The following BMPR1A variants were observed in gnomAD, a reference collection of about 807,000 sequenced individuals.
The protein encoded by BMPR1A is bone morphogenetic protein receptor type-1A.
A neutral mutation model predicts 66.0 loss-of-function variants in BMPR1A; 7 were observed. The observed-to-expected ratio is 0.11, with a 90% CI of 0.06 to 0.20. The LOEUF (loss-of-function observed/expected upper bound fraction) is 0.20, where lower values mean the gene tolerates loss of function less well. BMPR1A is among the 10% of genes least tolerant of loss of function. The pLI, the probability that BMPR1A is intolerant of heterozygous loss-of-function variation, is 1.00. For missense variants in BMPR1A, 408 were observed against 669.1 expected (o/e 0.61, Z 4.31); for synonymous variants, 200 against 229.7 (o/e 0.87, Z 1.17).
At chr10:86,821,091 A>G (rs1041155062) in intron 1 of BMPR1A, among the ~76,000 whole-genome samples, 5 of 152,168 alleles carry the variant, frequency 3.3e-5, no homozygotes, top group African/African-American at 1.2e-4. Context: ...GATTTTTTCT[A>G]TCTTAATATA....
chr10:86,881,817 T>G (rs1465897527), intron 3 of BMPR1A, among the ~76,000 whole-genome samples: 1 of 152,214 alleles, frequency 6.6e-6, no homozygotes, highest in East Asian at 1.9e-4. Flanking sequence ...ACCAGCTTAT[T>G]TGGATCCTGA....
intron 7 of BMPR1A, among the ~76,000 whole-genome samples, chr10:86,906,306 C>CGT (rs146956565): frequency 0.062 from 9,380 of 151,978 alleles, 408 homozygotes; most frequent in Non-Finnish European, 0.08. Flanking sequence ...CATTTAGAAG[C>CGT]GTGTGTGTGT....
At chr10:86,912,617 C>G (rs1843508073) in intron 8 of BMPR1A, among the ~76,000 whole-genome samples, 1 of 152,032 alleles carries the variant, frequency 6.6e-6, no homozygotes, top group African/African-American at 2.4e-5. Flanking sequence ...GTTATAGGAA[C>G]CAAGTCCTAC....
At chr10:86,886,954 C>A (rs1462903189) in intron 3 of BMPR1A, among the ~76,000 whole-genome samples, 1 of 151,164 alleles carries the variant, frequency 6.6e-6, no homozygotes, top group Non-Finnish European at 1.5e-5. Flanking sequence ...CCTCAGCCAC[C>A]TGAATACTGG....
intron 1 of BMPR1A, among the ~76,000 whole-genome samples, chr10:86,829,913 G>T (rs374462104): frequency 5.9e-5 from 9 of 152,056 alleles, no homozygotes; most frequent in African/African-American, 2.2e-4. Context: ...TTTGGGAGAG[G>T]TGCTGTTAAA....
chr10:86,836,467 T>C (rs757609245), intron 1 of BMPR1A, among the ~76,000 whole-genome samples: 1 of 152,156 alleles, frequency 6.6e-6, no homozygotes, highest in Non-Finnish European at 1.5e-5. Context: ...CTGGGATACA[T>C]GTGCGGGACT....
At chr10:86,811,686 A>G (rs561714607) in intron 1 of BMPR1A, among the ~76,000 whole-genome samples, 2 of 152,272 alleles carry the variant, frequency 1.3e-5, no homozygotes, top group Non-Finnish European at 1.5e-5. Context: ...GAGACACACA[A>G]TGTGTGGTTG....
At chr10:86,787,124 A>G (rs1369729903) in intron 1 of BMPR1A, among the ~76,000 whole-genome samples, 1 of 152,324 alleles carries the variant, frequency 6.6e-6, no homozygotes, top group East Asian at 1.9e-4. Flanking sequence ...TGTTATATCA[A>G]TTGAGAGCAC....
chr10:86,765,056 C>A (rs1003612627), intron 1 of BMPR1A, among the ~76,000 whole-genome samples: 1 of 152,040 alleles, frequency 6.6e-6, no homozygotes, highest in South Asian at 2.1e-4. Context: ...GTTAAAAAAA[C>A]AAAACTGATT....
chr10:86,894,938 A>G (rs928541663), intron 5 of BMPR1A, among the ~76,000 whole-genome samples: 7 of 152,116 alleles, frequency 4.6e-5, no homozygotes, highest in African/African-American at 1.7e-4. Flanking sequence ...CTGTTGCTGA[A>G]TATTTCTCTG....
At chr10:86,779,172 C>T (rs1841399345) in intron 1 of BMPR1A, among the ~76,000 whole-genome samples, 1 of 152,162 alleles carries the variant, frequency 6.6e-6, no homozygotes, top group Non-Finnish European at 1.5e-5. Context: ...TAACCCATAT[C>T]TAGGCTGTTT....
rs542266032 is a variant in BMPR1A at position 86,765,855 on chromosome 10, C to T, written c.-268+8936C>T. ...ATAGAGCTAGAAAAAATTTTCTTTT[C>T]TGTTGCCTTCTTTCTTTTTTTCTGT... On this transcript the variant is annotated intron_variant, in intron 1 of 12. Coordinates refer to ENST00000372037, the MANE Select transcript of BMPR1A (RefSeq NM_004329.3). Among the ~76,000 whole-genome samples the T allele has an allele frequency of 1.7e-3, 252 of 152,230 alleles. 1 individual carries two copies. Among genetic ancestry groups the T allele is most frequent in the Admixed American group, 2.8e-3 (43 of 15,280 alleles).
In BMPR1A at chr10:86,818,307, G is replaced by A. The variant is rs189666524; in HGVS notation, c.-267-20558G>A. Among the ~76,000 whole-genome samples the A allele has an allele frequency of 7.9e-5, 12 of 152,282 alleles. No individual in the cohort carries two copies. In the East Asian group the frequency reaches 2.3e-3, roughly 29 times the overall value. On this transcript the variant is annotated intron_variant, in intron 1 of 12. Transcript: ENST00000372037. ...GCTGGGATTACAGGTGTGAGCCACC[G>A]TGTCCCGCCAGCTAATAATTTTAGG...
At chr10:86,850,574 C>G (rs1020672400) in intron 2 of BMPR1A, among the ~76,000 whole-genome samples, 7 of 152,110 alleles carry the variant, frequency 4.6e-5, no homozygotes, top group South Asian at 2.1e-4. Context: ...CTACTTAAAC[C>G]CATTTTAACA....
chr10:86,788,499 G>A (rs2132755323), intron 1 of BMPR1A, among the ~76,000 whole-genome samples: 1 of 152,282 alleles, frequency 6.6e-6, no homozygotes, highest in Non-Finnish European at 1.5e-5. Flanking sequence ...GACTCCTAGA[G>A]GTGCACAAGC....
chr10:86,912,132 T>C, intron 7 of BMPR1A, 108 bp from the exon 8 acceptor site: 2 of 1,217,528 alleles, frequency 1.6e-6, no homozygotes, highest in Non-Finnish European at 2.3e-6. Flanking sequence ...CTAATTTGGA[T>C]AGGATTCTTT....
chr10:86,903,843 T>C (rs1229847579), intron 7 of BMPR1A, among the ~76,000 whole-genome samples: 1 of 152,052 alleles, frequency 6.6e-6, no homozygotes, highest in Non-Finnish European at 1.5e-5. Context: ...CCTGACCTCA[T>C]GATCCGCCCG....
chr10:86,901,620 C>T (rs1843311310), intron 7 of BMPR1A, among the ~76,000 whole-genome samples: 1 of 152,116 alleles, frequency 6.6e-6, no homozygotes, highest in African/African-American at 2.4e-5. Context: ...CTCCTTTTCT[C>T]CTTGCCTGTT....
At position 86,787,996 on chromosome 10, in the gene BMPR1A, A is replaced by T. The variant is rs1841542601; in HGVS notation, c.-268+31077A>T. Among the ~76,000 whole-genome samples the T allele has an allele frequency of 2.0e-5, 3 of 152,258 alleles. No individual in the cohort carries two copies. In the South Asian group the frequency reaches 6.2e-4, roughly 32 times the overall value. ...GAGCCAAGCCATGTCAGTCAGTATC[A>T]TAAATTGGTTCAACCATAGAGGAAG... is the stretch of plus-strand genomic sequence containing the variant. On this transcript the variant is annotated intron_variant, in intron 1 of 12. Coordinates refer to ENST00000372037, the MANE Select transcript of BMPR1A (RefSeq NM_004329.3).
Sources: allele counts gnomAD v4.1 joint callset (sites outside exome capture counted in the v4.1 genomes callset), GRCh38; gene constraint gnomAD v4.1.1; transcripts MANE v1.5; gene names NCBI Gene and HGNC (gene_info 2026-07-23, HGNC 2026-07-21).